ADAMTSL1: variants seen among roughly 807,000 people sequenced by gnomAD.
ADAMTSL1 encodes ADAMTS like 1.
A neutral mutation model predicts 201.8 loss-of-function variants in ADAMTSL1; 126 were observed. That is an observed-to-expected ratio of 0.62 (90% confidence interval 0.54 to 0.72). The LOEUF (loss-of-function observed/expected upper bound fraction) is 0.72. Among genes scored for constraint, ADAMTSL1 ranks in the 30% least tolerant of loss-of-function variants. ADAMTSL1 has a pLI of 0.00. For missense variants in ADAMTSL1, 2,679 were observed against 2,277.8 expected (o/e 1.18, Z -3.59); for synonymous variants, 1,121 against 903.4 (o/e 1.24, Z -4.32).
rs1419526520 is a variant in ADAMTSL1, at chr9:18,314,778, C to T, written c.207+150797C>T. Among the ~76,000 whole-genome samples the T allele has an allele frequency of 1.1e-4, 11 of 97,118 alleles. No individual in the cohort carries two copies. The East Asian group carries it at 1.7e-3, about 15-fold the overall frequency. The allele number at this position is 97,118 out of a possible 152,430, so 63.7% of individuals were successfully genotyped here. ...GGGTTGCCACTGCTGCCTTCGGCAG[C>T]GTGCTTTTTTTTTTTTTTTTTTTTT... is the stretch of plus-strand genomic sequence containing the variant. On this transcript the variant is annotated intron_variant, in intron 2 of 29. Transcript: ENST00000680146.
chr9:18,773,038 C>G (rs557020158), intron 17 of ADAMTSL1, among the ~76,000 whole-genome samples: 2 of 152,310 alleles, frequency 1.3e-5, no homozygotes, highest in East Asian at 3.9e-4. Flanking sequence ...CACAAAGGCT[C>G]CACATTGACC....
chr9:18,748,036 T>G (rs1819247322), intron 15 of ADAMTSL1, among the ~76,000 whole-genome samples: 1 of 152,200 alleles, frequency 6.6e-6, no homozygotes, highest in African/African-American at 2.4e-5. Flanking sequence ...CAGAAGTCAG[T>G]TGTTCAGGTA....
Position 18,777,674 on chromosome 9 carries a change from T to C in ADAMTSL1, c.3445T>C (p.Ser1149Pro), listed in dbSNP as rs1389749151. 3 of 1,613,512 alleles carry C rather than the reference T, an allele frequency of 1.9e-6. No individual in the cohort carries two copies. The South Asian group carries it at 3.3e-5, about 18-fold the overall frequency. The change falls in exon 19 of 29, where the codon TCC becomes CCC. Residue 1149 changes from serine to proline, a missense_variant. Transcript: ENST00000380548. ...CTTCAGCAGCTCCCTGCGGACCTCC[T>C]CCACCGGGGACGCCGGGGGAGGCTC... ...SGFSSSLRTS[S>P]TGDAGGGSRR...
chr9:18,016,191 T>G (rs1820254284), intron 1 of ADAMTSL1, among the ~76,000 whole-genome samples: 1 of 152,050 alleles, frequency 6.6e-6, no homozygotes, highest in Non-Finnish European at 1.5e-5. Flanking sequence ...TTCTTTCTAG[T>G]GAAAACAGAA....
intron 2 of ADAMTSL1, among the ~76,000 whole-genome samples, chr9:18,269,293 A>G (rs529011093): frequency 2.0e-5 from 3 of 152,284 alleles, no homozygotes; most frequent in Admixed American, 2.0e-4. Flanking sequence ...TGAATTGCCC[A>G]CAGAGCTTAG....
At chr9:18,471,774 A>G (rs1307743397), upstream of ADAMTSL1, among the ~76,000 whole-genome samples, 1 of 152,208 alleles carries the variant, frequency 6.6e-6, no homozygotes, top group Non-Finnish European at 1.5e-5. Context: ...TAACTTTAAA[A>G]TAGTATATTA....
At chr9:18,404,543 T>A (rs1818110452) in intron 2 of ADAMTSL1, among the ~76,000 whole-genome samples, 1 of 152,206 alleles carries the variant, frequency 6.6e-6, no homozygotes. Flanking sequence ...TCTTTCCGAA[T>A]GGCCCAATGA....
At chr9:18,480,879 G>A (rs1389302822) in intron 1 of ADAMTSL1, among the ~76,000 whole-genome samples, 1 of 152,276 alleles carries the variant, frequency 6.6e-6, no homozygotes, top group East Asian at 1.9e-4. Context: ...AAGTGGATGA[G>A]GGAGTGGTAG....
At chr9:18,659,652 A>C (rs1202594814) in intron 8 of ADAMTSL1, among the ~76,000 whole-genome samples, 1 of 152,228 alleles carries the variant, frequency 6.6e-6, no homozygotes, top group Non-Finnish European at 1.5e-5. Flanking sequence ...CTGTAATCCC[A>C]GCTACTTGGG....
intron 10 of ADAMTSL1, among the ~76,000 whole-genome samples, chr9:18,679,163 C>A (rs1489330184): frequency 6.6e-6 from 1 of 152,068 alleles, no homozygotes; most frequent in Non-Finnish European, 1.5e-5. Context: ...ACAATGTACA[C>A]AAAAAACCCG....
At chr9:18,104,524 G>T (rs1432299208) in intron 1 of ADAMTSL1, among the ~76,000 whole-genome samples, 2 of 152,086 alleles carry the variant, frequency 1.3e-5, no homozygotes, top group Non-Finnish European at 2.9e-5. Context: ...GGCTACCTCT[G>T]GGAGCTAAAC....
At chr9:18,497,040 G>C (rs1822567433) in intron 1 of ADAMTSL1, among the ~76,000 whole-genome samples, 1 of 152,150 alleles carries the variant, frequency 6.6e-6, no homozygotes, top group South Asian at 2.1e-4. Flanking sequence ...ATTCTTCACT[G>C]TTTTCCTTGG....
chr9:18,009,416 C>T (rs557583222), intron 1 of ADAMTSL1, among the ~76,000 whole-genome samples: 23 of 152,108 alleles, frequency 1.5e-4, no homozygotes, highest in African/African-American at 5.5e-4. Context: ...TGCCTCACAG[C>T]ACAGTGTAAG....
intron 2 of ADAMTSL1, among the ~76,000 whole-genome samples, chr9:18,315,833 C>T (rs1417483242): frequency 1.3e-5 from 2 of 152,190 alleles, no homozygotes. Flanking sequence ...GACACCAAGG[C>T]CAAGGAGGCG....
intron 15 of ADAMTSL1, among the ~76,000 whole-genome samples, chr9:18,752,562 T>C (rs774803472): frequency 6.6e-6 from 1 of 152,216 alleles, no homozygotes; most frequent in African/African-American, 2.4e-5. Context: ...TGCAGTGGGA[T>C]TGTTTTCATA....
chr9:18,897,434 G>C (rs1386896116), intron 26 of ADAMTSL1, among the ~76,000 whole-genome samples: 1 of 152,130 alleles, frequency 6.6e-6, no homozygotes, highest in Non-Finnish European at 1.5e-5. Flanking sequence ...TCCCAACAGG[G>C]GTCTCCAGAC....
At chr9:18,814,382 G>A (rs576813423) in intron 20 of ADAMTSL1, among the ~76,000 whole-genome samples, 1 of 152,204 alleles carries the variant, frequency 6.6e-6, no homozygotes, top group Non-Finnish European at 1.5e-5. Context: ...ACATCCAACT[G>A]AAAAGCTTCT....
intron 1 of ADAMTSL1, among the ~76,000 whole-genome samples, chr9:17,932,965 G>A (rs1397338103): frequency 1.3e-5 from 2 of 152,078 alleles, no homozygotes; most frequent in Non-Finnish European, 2.9e-5. Flanking sequence ...CATCACTTAT[G>A]TCAGATCAAC....
chr9:18,819,557 T>G lies in ADAMTSL1; in HGVS notation c.3934+2320T>G, dbSNP rs572092776. ...GAATCTGGTTGAGGAAGTATTTACG[T>G]TGGGGAGCCTAAGATATTAAAACGA... On this transcript the variant is annotated intron_variant, in intron 21 of 28. Coordinates refer to ENST00000380548, the MANE Select transcript of ADAMTSL1 (RefSeq NM_001040272.6). 3.3e-5 allele frequency among the ~76,000 whole-genome samples: 5 copies of G among 152,168 alleles called. No individual in the cohort carries two copies. In the South Asian group the frequency reaches 1.0e-3, roughly 32 times the overall value.
Sources: allele counts gnomAD v4.1 joint callset (sites outside exome capture counted in the v4.1 genomes callset), GRCh38; gene constraint gnomAD v4.1.1; transcripts MANE v1.5; gene names NCBI Gene and HGNC (gene_info 2026-07-23, HGNC 2026-07-21).